Variants in TRPM3 observed in about 807,000 individuals in gnomAD.
The protein encoded by TRPM3 is long transient receptor potential channel 3.
TRPM3 carries 77 observed loss-of-function variants against 181.2 expected under a neutral mutation model. The observed-to-expected ratio is 0.42, with a 90% CI of 0.35 to 0.51. TRPM3 has a LOEUF of 0.51. TRPM3 is among the 20% of genes least tolerant of loss of function. The pLI is 0.01. For synonymous variants in TRPM3, 745 were observed against 796.4 expected, an observed-to-expected ratio of 0.94 and a Z score of 1.09; for missense variants, 1,759 against 2,196.7, an observed-to-expected ratio of 0.80 and a Z score of 3.98.
intron 1 of TRPM3, among the ~76,000 whole-genome samples, chr9:71,033,648 T>C (rs1315309928): frequency 6.6e-6 from 1 of 152,226 alleles, no homozygotes; most frequent in Non-Finnish European, 1.5e-5. Flanking sequence ...GTTTGCAAAG[T>C]CAGAATTGCA....
At chr9:71,114,130 TCTACCTAC>T (rs887406256) in intron 1 of TRPM3, among the ~76,000 whole-genome samples, 6 of 152,248 alleles carry the variant, frequency 3.9e-5, no homozygotes, top group South Asian at 2.1e-4. Context: ...TATCTATCTA[TCTACCTAC>T]CTACCTACCT....
intron 22 of TRPM3, among the ~76,000 whole-genome samples, chr9:70,583,869 C>A (rs192800466): frequency 1.2e-3 from 188 of 152,290 alleles, no homozygotes; most frequent in Middle Eastern, 6.8e-3. Context: ...TTCTTTCTAT[C>A]ATCTCCTATT....
chr9:70,887,692 C>A (rs969117542), intron 1 of TRPM3, among the ~76,000 whole-genome samples: 54 of 152,064 alleles, frequency 3.6e-4, no homozygotes, highest in African/African-American at 1.1e-3. Flanking sequence ...AATCTATTTT[C>A]TTAGTATCTG....
chr9:71,048,633 C>T (rs555788379), intron 1 of TRPM3, among the ~76,000 whole-genome samples: 2 of 152,200 alleles, frequency 1.3e-5, no homozygotes, highest in East Asian at 3.8e-4. Context: ...AACCATGTTC[C>T]ACTCACCCCA....
At chr9:71,138,072 C>T (rs749353571) in intron 1 of TRPM3, among the ~76,000 whole-genome samples, 7 of 151,770 alleles carry the variant, frequency 4.6e-5, no homozygotes, top group Non-Finnish European at 1.0e-4. Context: ...CGAGATCTTG[C>T]CACTGCACCC....
rs1233903273 is a variant in TRPM3, at chr9:71,420,688, AGG to A, written c.183+25963_183+25964del. On this transcript the variant is annotated intron_variant, in intron 1 of 24. Transcript: ENST00000357533. ...GAAAGAAAGAGAGAAAGAAAGAGAA[AGG>A]GAAAGAGAAAGAGAGAGAAAGAAAG... Among the ~76,000 whole-genome samples the A allele has an allele frequency of 8.1e-4, 46 of 56,664 alleles. 2 individuals are homozygous for A. Among genetic ancestry groups the A allele is most frequent in the Non-Finnish European group, 1.4e-3 (37 of 26,172 alleles). 37.2% of individuals were successfully genotyped at this position (56,664 alleles called of 152,430 possible). A position where few individuals can be genotyped will look rare whatever the true frequency, so the allele number is the denominator to read the frequency against.
intron 1 of TRPM3, among the ~76,000 whole-genome samples, chr9:71,143,563 C>T (rs113778958): frequency 0.077 from 11,726 of 152,068 alleles, 552 homozygotes; most frequent in African/African-American, 0.13. Context: ...GGTATATGTG[C>T]CACATTTTCT....
chr9:70,849,954 G>A (rs774680103), intron 3 of TRPM3, among the ~76,000 whole-genome samples: 18 of 152,082 alleles, frequency 1.2e-4, no homozygotes, highest in African/African-American at 1.9e-4. Context: ...GCAAAAGCAC[G>A]CAGAATATGA....
At chr9:71,020,701 C>T (rs1049109306) in intron 1 of TRPM3, among the ~76,000 whole-genome samples, 1 of 152,060 alleles carries the variant, frequency 6.6e-6, no homozygotes, top group East Asian at 1.9e-4. Flanking sequence ...CTCAAACTGG[C>T]TAAAATTAAA....
intron 1 of TRPM3, among the ~76,000 whole-genome samples, chr9:71,332,511 T>C (rs2090278677): frequency 1.3e-5 from 2 of 151,518 alleles, no homozygotes; most frequent in South Asian, 4.2e-4. Flanking sequence ...GTTTTAAAAA[T>C]GTATTTATTA....
intron 1 of TRPM3, among the ~76,000 whole-genome samples, chr9:71,079,048 C>T (rs983064171): frequency 3.9e-5 from 6 of 152,030 alleles, no homozygotes; most frequent in African/African-American, 1.4e-4. Context: ...GACCTAAACT[C>T]TCTACCTTCA....
chr9:71,011,225 T>C (rs2097735420), intron 1 of TRPM3, among the ~76,000 whole-genome samples: 1 of 152,152 alleles, frequency 6.6e-6, no homozygotes, highest in Non-Finnish European at 1.5e-5. Flanking sequence ...TCTGGTGTTC[T>C]ATTACACAGT....
At chr9:70,626,898 A>G (rs188971602) in intron 12 of TRPM3, among the ~76,000 whole-genome samples, 6 of 152,322 alleles carry the variant, frequency 3.9e-5, no homozygotes, top group Admixed American at 3.9e-4. Flanking sequence ...CATTAAACCT[A>G]TAGCTTTACA....
intron 1 of TRPM3, among the ~76,000 whole-genome samples, chr9:71,388,779 G>A (rs1212689559): frequency 6.6e-6 from 1 of 152,046 alleles, no homozygotes; most frequent in Non-Finnish European, 1.5e-5. Context: ...TTTCCCTAAT[G>A]TGGCTTCAGT....
At chr9:71,256,341 C>T (rs753787775) in intron 1 of TRPM3, among the ~76,000 whole-genome samples, 11 of 152,176 alleles carry the variant, frequency 7.2e-5, no homozygotes, top group Middle Eastern at 3.4e-3. Flanking sequence ...GTTCATTTAC[C>T]ACTAGAGAAG....
intron 5 of TRPM3, among the ~76,000 whole-genome samples, chr9:70,841,624 CTATATATATATATA>C (rs72421594): frequency 0.15 from 10,583 of 72,892 alleles, 852 homozygotes; most frequent in East Asian, 0.43. Flanking sequence ...CTATATCCCA[CTATATATATATATA>C]TATATATATA....
intron 25 of TRPM3, among the ~76,000 whole-genome samples, chr9:70,545,052 C>A (rs1170560254): frequency 6.6e-6 from 1 of 152,152 alleles, no homozygotes. Flanking sequence ...TCTTAATACT[C>A]CATTTTATGA....
At chr9:70,672,494 T>C (rs1289066017) in intron 9 of TRPM3, among the ~76,000 whole-genome samples, 1 of 152,224 alleles carries the variant, frequency 6.6e-6, no homozygotes, top group Non-Finnish European at 1.5e-5. Context: ...TTTGGTCATG[T>C]GAACTTACAA....
intron 1 of TRPM3, among the ~76,000 whole-genome samples, chr9:71,109,496 C>T (rs77590837): frequency 0.011 from 1,658 of 152,146 alleles, 27 homozygotes; most frequent in African/African-American, 0.036. Context: ...ACCAACTATA[C>T]GCAAACACAA....
Sources: allele counts gnomAD v4.1 joint callset (sites outside exome capture counted in the v4.1 genomes callset), GRCh38; gene constraint gnomAD v4.1.1; transcripts MANE v1.5; gene names NCBI Gene and HGNC (gene_info 2026-07-23, HGNC 2026-07-21).